XKR7: variants seen among roughly 807,000 people sequenced by gnomAD.
XKR7 encodes the protein XK related 7, also known as XK-related protein 7.
In XKR7, 11 loss-of-function variants were observed where a neutral mutation model predicts 42.2. The observed-to-expected ratio is 0.26, with a 90% CI of 0.16 to 0.43. The LOEUF (loss-of-function observed/expected upper bound fraction) is 0.43, where lower values mean the gene tolerates loss of function less well. Among genes scored for constraint, XKR7 ranks in the 20% least tolerant of loss-of-function variants. The pLI is 1.00. For missense variants in XKR7, 710 were observed against 802.2 expected (o/e 0.89, Z 1.39); for synonymous variants, 346 against 366.4 (o/e 0.94, Z 0.64).
intron 1 of XKR7, among the ~76,000 whole-genome samples, chr20:31,988,640 A>G (rs1359435819): frequency 6.6e-6 from 1 of 152,160 alleles, no homozygotes; most frequent in Non-Finnish European, 1.5e-5. Flanking sequence ...CATCTATGAA[A>G]TGGGGACAGC....
At position 32,001,120 on chromosome 20, in the gene XKR7, C is replaced by T. The variant is rs1311304532; in HGVS notation, c.*3663C>T. The T allele has an allele frequency of 6.6e-6, 1 of 152,238 alleles. No individual in the cohort carries two copies. The highest frequency in any genetic ancestry group is 6.5e-5 in the Admixed American group (1 of 15,284). 9.4% of individuals were successfully genotyped at this position (152,238 alleles called of 1,614,324 possible). A position where few individuals can be genotyped will look rare whatever the true frequency, so the allele number is the denominator to read the frequency against. ...GGGAAGGTCTCGCTTGCAGTCAACA[C>T]CCTCCTAAGTACTCGAGTTCTGCAG... On this transcript the variant is annotated 3_prime_UTR_variant, in exon 3 of 3. Coordinates refer to ENST00000562532, the MANE Select transcript of XKR7 (RefSeq NM_001011718.2).
At position 31,997,510 on chromosome 20, in the gene XKR7, G is replaced by C. The variant is rs947202834; in HGVS notation, c.*53G>C. ...AGGCTTGGCTGATCCCACATCCGCC[G>C]CAGTGTTGTGCCCCGAATTTCAGGG... On this transcript the variant is annotated 3_prime_UTR_variant, in exon 3 of 3. Transcript: ENST00000562532. 2.0e-6 allele frequency: 3 copies of C among 1,485,670 alleles called. No individual in the cohort carries two copies. The highest frequency in any genetic ancestry group is 2.7e-6 in the Non-Finnish European group (3 of 1,106,678). 92.0% of individuals were successfully genotyped at this position (1,485,670 alleles called of 1,614,324 possible).
rs1347543972 is a variant in XKR7 at position 32,000,907 on chromosome 20, C to T, written c.*3450C>T. On this transcript the variant is annotated 3_prime_UTR_variant, in exon 3 of 3. Coordinates refer to ENST00000562532, the MANE Select transcript of XKR7 (RefSeq NM_001011718.2). Reference sequence around the variant, plus strand: ...CCAATGAGGGAGCCTTGCTTGATCCCCTCCTGTCATCTGCCTCATTCTTGT... The same window carrying T: ...CCAATGAGGGAGCCTTGCTTGATCCTCTCCTGTCATCTGCCTCATTCTTGT... The T allele has an allele frequency of 6.6e-6, 1 of 152,458 alleles. No homozygotes were observed. The highest frequency in any genetic ancestry group is 1.5e-5 in the Non-Finnish European group (1 of 68,206). The allele number at this position is 152,458 out of a possible 1,614,324, so 9.4% of individuals were successfully genotyped here. A position where few individuals can be genotyped will look rare whatever the true frequency, so the allele number is the denominator to read the frequency against.
rs59966453 is a variant in XKR7, at chr20:31,983,947, C to CAATA, written c.585-11092_585-11089dup. Among the ~76,000 whole-genome samples, 996 of 145,426 alleles carry CAATA rather than the reference C, an allele frequency of 6.8e-3. 6 individuals carry two copies. The highest frequency in any genetic ancestry group is 0.022 in the East Asian group (106 of 4,920). ...TGGGTGACAGAGCAAGACTCTGTCT[C>CAATA]AATAAATAAATAAATAAATAAATAA... On this transcript the variant is annotated intron_variant, in intron 1 of 2. Coordinates refer to ENST00000562532, the MANE Select transcript of XKR7 (RefSeq NM_001011718.2).
intron 1 of XKR7, among the ~76,000 whole-genome samples, chr20:31,986,877 C>T (rs1214532357): frequency 7.0e-6 from 1 of 142,570 alleles, no homozygotes; most frequent in Non-Finnish European, 1.6e-5. Flanking sequence ...ATCCAAGACA[C>T]AGACAGACAG....
intron 1 of XKR7, among the ~76,000 whole-genome samples, chr20:31,983,391 C>T (rs544739242): frequency 3.9e-5 from 6 of 152,122 alleles, no homozygotes; most frequent in Admixed American, 2.0e-4. Flanking sequence ...AAGTGCTTTG[C>T]GGGGTTACAG....
At chr20:31,976,388 T>A (rs914130535) in intron 1 of XKR7, among the ~76,000 whole-genome samples, 16 of 152,162 alleles carry the variant, frequency 1.1e-4, no homozygotes, top group South Asian at 8.3e-4. Flanking sequence ...ATTTTTATTT[T>A]TTTTTATTTT....
chr20:31,993,977 A>G (rs1338090375), intron 1 of XKR7, among the ~76,000 whole-genome samples: 1 of 152,230 alleles, frequency 6.6e-6, no homozygotes, highest in Admixed American at 6.5e-5. Flanking sequence ...AGGAGGGAGA[A>G]CATTGTGAGC....
chr20:31,968,877 C>T lies in XKR7; in HGVS notation c.584+118C>T, dbSNP rs148758252. On this transcript the variant is annotated intron_variant, in intron 1 of 2. Transcript: ENST00000562532. This position sits in a 1 kb window ranked among gnomAD's most constrained non-coding sequence, Gnocchi z 4.5. ...CTACCCTCCTGTCCTGACCTCCCCCCCTCCCCACCCCATTGCAGCTCTAAT... is the reference window on the plus strand; with the variant it reads ...CTACCCTCCTGTCCTGACCTCCCCCTCTCCCCACCCCATTGCAGCTCTAAT... The T allele has an allele frequency of 9.4e-6, 13 of 1,381,318 alleles. No individual in the cohort carries two copies. The highest frequency in any genetic ancestry group is 4.4e-5 in the African/African-American group (3 of 68,060). The allele number at this position is 1,381,318 out of a possible 1,614,324, so 85.6% of individuals were successfully genotyped here.
chr20:31,989,534 C>A (rs2064559870), intron 1 of XKR7, among the ~76,000 whole-genome samples: 1 of 148,914 alleles, frequency 6.7e-6, no homozygotes, highest in Admixed American at 6.7e-5. Flanking sequence ...CGGGCAGCCA[C>A]ACAGAAGGCT....
chr20:31,995,296 G>A lies in XKR7; in HGVS notation c.787+26G>A, dbSNP rs538053719. 3.3e-6 allele frequency: 5 copies of A among 1,532,542 alleles called. No individual in the cohort carries two copies. The highest frequency in any genetic ancestry group is 2.6e-6 in the Non-Finnish European group (3 of 1,145,862). 94.9% of individuals were successfully genotyped at this position (1,532,542 alleles called of 1,614,324 possible). A position where few individuals can be genotyped will look rare whatever the true frequency, so the allele number is the denominator to read the frequency against. On this transcript the variant is annotated intron_variant, in intron 2 of 2. Transcript: ENST00000562532. This position sits in a 1 kb window ranked among gnomAD's most constrained non-coding sequence, Gnocchi z 4.1. ...GTGAGCCCGCCCCTTCACCCTCTGC[G>A]CCTGGGACCACCCCACCGGGCCTTT...
intron 1 of XKR7, among the ~76,000 whole-genome samples, chr20:31,981,909 T>C: frequency 6.6e-6 from 1 of 152,168 alleles, no homozygotes; most frequent in East Asian, 1.9e-4. Flanking sequence ...CTTTACCTGG[T>C]TAACTCCTAT....
At chr20:31,987,094 G>C (rs1438010033) in intron 1 of XKR7, among the ~76,000 whole-genome samples, 1 of 148,552 alleles carries the variant, frequency 6.7e-6, no homozygotes, top group Non-Finnish European at 1.5e-5. Flanking sequence ...GGCACAGACA[G>C]ACCACCAAGT....
chr20:31,995,296 G>T lies in XKR7; in HGVS notation c.787+26G>T, dbSNP rs538053719. On this transcript the variant is annotated intron_variant, in intron 2 of 2. Coordinates refer to ENST00000562532, the MANE Select transcript of XKR7 (RefSeq NM_001011718.2). The surrounding 1 kb of genome is among the most constrained non-coding windows in gnomAD (Gnocchi z 4.1). ...GTGAGCCCGCCCCTTCACCCTCTGC[G>T]CCTGGGACCACCCCACCGGGCCTTT... The T allele has an allele frequency of 3.0e-5, 46 of 1,532,542 alleles. 1 individual carries two copies. The South Asian group carries it at 4.5e-4, about 15-fold the overall frequency. 94.9% of individuals were successfully genotyped at this position (1,532,542 alleles called of 1,614,324 possible).
intron 1 of XKR7, among the ~76,000 whole-genome samples, chr20:31,993,020 C>T (rs1440312045): frequency 6.6e-6 from 1 of 152,038 alleles, no homozygotes; most frequent in Admixed American, 6.5e-5. Flanking sequence ...GAATAGACCC[C>T]AAATCTCTGG....
intron 1 of XKR7, among the ~76,000 whole-genome samples, chr20:31,989,460 G>A (rs1268375271): frequency 6.6e-6 from 1 of 152,172 alleles, no homozygotes; most frequent in Admixed American, 6.6e-5. Flanking sequence ...TGATCTGACA[G>A]GTTTTAAAAA....
intron 1 of XKR7, among the ~76,000 whole-genome samples, chr20:31,974,643 A>T (rs1005158226): frequency 4.0e-5 from 6 of 149,574 alleles, no homozygotes; most frequent in Non-Finnish European, 9.0e-5. Context: ...TGTTATTTGT[A>T]AAACAGGTCA....
At chr20:31,989,509 A>G (rs981334365) in intron 1 of XKR7, among the ~76,000 whole-genome samples, 1 of 126,014 alleles carries the variant, frequency 7.9e-6, no homozygotes, top group African/African-American at 3.6e-5. Flanking sequence ...GACTGTAGGG[A>G]GGCAGGAGTG....
chr20:31,987,343 G>A (rs911359471), intron 1 of XKR7, among the ~76,000 whole-genome samples: 2 of 148,168 alleles, frequency 1.3e-5, no homozygotes, highest in African/African-American at 5.0e-5. Context: ...CCACCAAGCA[G>A]ACCCAGCATC....
Sources: gnomAD v4.1 joint callset for allele counts (sites outside exome capture counted in the v4.1 genomes callset) on GRCh38, gnomAD v4.1.1 for gene constraint, Gnocchi (gnomAD v3.1) non-coding constraint, MANE v1.5 for transcripts, NCBI Gene and HGNC (gene_info 2026-07-23, HGNC 2026-07-21) for gene names.